The following NPSR1 variants were observed in gnomAD, a reference collection of about 807,000 sequenced individuals.
NPSR1 encodes neuropeptide S receptor.
In NPSR1, 48 loss-of-function variants were observed where a neutral mutation model predicts 46.9. The observed-to-expected ratio is 1.02, with a 90% CI of 0.81 to 1.30. NPSR1 has a LOEUF of 1.30. NPSR1 is among the 50% of genes most tolerant of loss of function. The pLI is 0.00. For synonymous variants in NPSR1, 176 were observed against 168.1 expected (o/e 1.05, Z -0.36); for missense variants, 450 against 449.5 (o/e 1.00, Z -0.01).
intron 2 of NPSR1, among the ~76,000 whole-genome samples, chr7:34,690,402 C>A (rs1351704876): frequency 6.6e-6 from 1 of 151,978 alleles, no homozygotes; most frequent in African/African-American, 2.4e-5. Flanking sequence ...GGATTCTAAC[C>A]AAGATGAAAT....
chr7:34,734,266 G>A (rs1784565813), intron 2 of NPSR1, among the ~76,000 whole-genome samples: 1 of 152,146 alleles, frequency 6.6e-6, no homozygotes, highest in African/African-American at 2.4e-5. Context: ...AGTGACATCT[G>A]GGTATCAATT....
intron 2 of NPSR1, among the ~76,000 whole-genome samples, chr7:34,730,870 A>C (rs72552342): frequency 0.074 from 11,290 of 152,328 alleles, 547 homozygotes; most frequent in Non-Finnish European, 0.11. Context: ...TACCAAAAAA[A>C]AGTGAGTGCC....
At chr7:34,667,678 T>G (rs531300810) in intron 1 of NPSR1, among the ~76,000 whole-genome samples, 1 of 152,118 alleles carries the variant, frequency 6.6e-6, no homozygotes, top group Non-Finnish European at 1.5e-5. Context: ...TGGAAAGGAA[T>G]AAGATGCAAT....
At chr7:34,686,252 T>G (rs2128685739) in intron 2 of NPSR1, 1 of 152,354 alleles carries the variant, frequency 6.6e-6, no homozygotes, top group East Asian at 1.9e-4. Context: ...GACAGTGTTT[T>G]TATTTGTTAA....
At position 34,849,953 on chromosome 7, in the gene NPSR1, T is replaced by A; in HGVS notation, c.*298T>A. The stretch of plus-strand genomic sequence containing the variant: ...GAACACAGGCATTAGTGGTCCAGGG[T>A]CCTGGCTTGGAGCCAGTGAGTAGAC... On this transcript the variant is annotated 3_prime_UTR_variant, in exon 9 of 9. Coordinates refer to ENST00000360581, the MANE Select transcript of NPSR1 (RefSeq NM_207172.2). 8.8e-7 allele frequency: 1 copy of A among 1,134,430 alleles called. No homozygotes were observed. Among genetic ancestry groups the A allele is most frequent in the Non-Finnish European group, 1.1e-6 (1 of 921,292 alleles). The allele number at this position is 1,134,430 out of a possible 1,614,324, so 70.3% of individuals were successfully genotyped here.
At chr7:34,820,883 CTT>C (rs1469077388) in intron 4 of NPSR1, among the ~76,000 whole-genome samples, 1 of 152,132 alleles carries the variant, frequency 6.6e-6, no homozygotes, top group African/African-American at 2.4e-5. Flanking sequence ...GCAGGGGAAA[CTT>C]TTAGGTTTCC....
At chr7:34,741,690 C>G (rs1472682138) in intron 2 of NPSR1, among the ~76,000 whole-genome samples, 3 of 152,134 alleles carry the variant, frequency 2.0e-5, no homozygotes, top group Non-Finnish European at 4.4e-5. Flanking sequence ...CAGGGAGCTG[C>G]CAGACAGTCA....
chr7:34,845,608 C>G (rs991926616), intron 7 of NPSR1: 4 of 455,716 alleles, frequency 8.8e-6, no homozygotes, highest in African/African-American at 6.0e-5. Context: ...TTTTAAATAT[C>G]CTTTTTCTAG....
At chr7:34,785,707 T>C (rs77709956) in intron 3 of NPSR1, among the ~76,000 whole-genome samples, 11,239 of 152,118 alleles carry the variant, frequency 0.074, 501 homozygotes, top group East Asian at 0.12. Flanking sequence ...ACCTCAGAGA[T>C]ATTGTGGGTT....
At chr7:34,802,161 A>G (rs1162748959) in intron 3 of NPSR1, among the ~76,000 whole-genome samples, 1 of 150,416 alleles carries the variant, frequency 6.6e-6, no homozygotes, top group Non-Finnish European at 1.5e-5. Context: ...TATAGATTCA[A>G]TGCCATCCCC....
intron 6 of NPSR1, among the ~76,000 whole-genome samples, chr7:34,836,216 T>C (rs931216111): frequency 6.6e-6 from 1 of 152,084 alleles, no homozygotes; most frequent in African/African-American, 2.4e-5. Flanking sequence ...TAAACACAAG[T>C]GAATTCATTC....
At position 34,751,402 on chromosome 7, in the gene NPSR1, AG is replaced by A. The variant is rs1403158830; in HGVS notation, c.281-27059del. 2.9e-6 allele frequency: 3 copies of A among 1,029,676 alleles called. No individual in the cohort carries two copies. In the African/African-American group the frequency reaches 4.7e-5, roughly 16 times the overall value. The allele number at this position is 1,029,676 out of a possible 1,614,324, so 63.8% of individuals were successfully genotyped here. A position where few individuals can be genotyped will look rare whatever the true frequency, so the allele number is the denominator to read the frequency against. ...GAGGCCTGAGTTGTTGTAGACTTTAAGCAAGAGTGGAACAAAGGCAGCCAGT... is the reference window on the plus strand; with the variant it reads ...GAGGCCTGAGTTGTTGTAGACTTTAACAAGAGTGGAACAAAGGCAGCCAGT... On this transcript the variant is annotated intron_variant, in intron 2 of 8. Transcript: ENST00000360581.
chr7:34,830,391 A>T (rs1423950250), intron 5 of NPSR1, among the ~76,000 whole-genome samples: 1 of 152,116 alleles, frequency 6.6e-6, no homozygotes, highest in Non-Finnish European at 1.5e-5. Context: ...TTTATTTTGC[A>T]TTTCTTTCAT....
intron 3 of NPSR1, among the ~76,000 whole-genome samples, chr7:34,784,347 A>G (rs1787365302): frequency 1.3e-5 from 2 of 152,086 alleles, no homozygotes; most frequent in South Asian, 4.1e-4. Flanking sequence ...TATTATTTTG[A>G]GATACATCCC....
At chr7:34,762,185 G>C (rs760387807) in intron 2 of NPSR1, among the ~76,000 whole-genome samples, 1 of 152,140 alleles carries the variant, frequency 6.6e-6, no homozygotes, top group Non-Finnish European at 1.5e-5. Context: ...GAAAATCTTA[G>C]GACCAAAGCT....
chr7:34,821,068 G>C (rs1789531546), intron 4 of NPSR1, among the ~76,000 whole-genome samples: 1 of 151,706 alleles, frequency 6.6e-6, no homozygotes, highest in Admixed American at 6.6e-5. Context: ...AAATCCATTC[G>C]GAAGGTTGGG....
chr7:34,764,968 T>C (rs1348516718), intron 2 of NPSR1, among the ~76,000 whole-genome samples: 1 of 152,122 alleles, frequency 6.6e-6, no homozygotes, highest in Admixed American at 6.5e-5. Flanking sequence ...GCAGTAGCAG[T>C]ATTACAGCAA....
At chr7:34,877,778 T>C (rs893049193) in intron 8 of NPSR1, among the ~76,000 whole-genome samples, 1 of 152,186 alleles carries the variant, frequency 6.6e-6, no homozygotes, top group Non-Finnish European at 1.5e-5. Context: ...TGCTCAAAGA[T>C]GCTGTCCACA....
At position 34,811,652 on chromosome 7, in the gene NPSR1, T is replaced by C. The variant is rs967184731; in HGVS notation, c.385-118T>C. On this transcript the variant is annotated intron_variant, in intron 3 of 8. Transcript: ENST00000360581. ...GTTATTTCCCTTCCTAATCCAACAC[T>C]CACCCCTTCTTTGGTTCACCTCTCA... The C allele has an allele frequency of 9.3e-6, 6 of 648,214 alleles. No individual in the cohort carries two copies. In the East Asian group the frequency reaches 1.7e-4, roughly 18 times the overall value. 40.2% of individuals were successfully genotyped at this position (648,214 alleles called of 1,614,324 possible).
Sources: gnomAD v4.1 joint callset for allele counts (sites outside exome capture counted in the v4.1 genomes callset) on GRCh38, gnomAD v4.1.1 for gene constraint, MANE v1.5 for transcripts, NCBI Gene and HGNC (gene_info 2026-07-23, HGNC 2026-07-21) for gene names.